The following EDAR variants were observed in gnomAD, a reference collection of about 807,000 sequenced individuals.
The protein encoded by EDAR is tumor necrosis factor receptor superfamily member EDAR.
EDAR carries 38 observed loss-of-function variants against 51.3 expected under a neutral mutation model. The ratio of observed to expected loss-of-function variants is 0.74; its 90% CI spans 0.57 to 0.97. EDAR has a LOEUF of 0.97. EDAR is among the 50% of genes least tolerant of loss of function. EDAR has a pLI of 0.00. For missense variants in EDAR, 528 were observed against 595.0 expected, an observed-to-expected ratio of 0.89 and a Z score of 1.17; for synonymous variants, 227 against 242.1, an observed-to-expected ratio of 0.94 and a Z score of 0.58.
intron 11 of EDAR, among the ~76,000 whole-genome samples, chr2:108,898,636 T>C (rs1256096469): frequency 2.6e-5 from 4 of 152,196 alleles, no homozygotes; most frequent in African/African-American, 7.2e-5. Flanking sequence ...AGATGTTAGA[T>C]AATCTGAAAA....
chr2:108,903,295 A>G (rs1696735659), intron 11 of EDAR, among the ~76,000 whole-genome samples: 1 of 152,230 alleles, frequency 6.6e-6, no homozygotes, highest in African/African-American at 2.4e-5. Flanking sequence ...GACTCGACAT[A>G]ATAAAGATGT....
intron 1 of EDAR, among the ~76,000 whole-genome samples, chr2:108,974,966 ATCAACCCC>A (rs1462577454): frequency 6.6e-6 from 1 of 152,160 alleles, no homozygotes; most frequent in Non-Finnish European, 1.5e-5. Flanking sequence ...GGAAGAGCCC[ATCAACCCC>A]TGAGCCTCTC....
chr2:108,916,274 G>A (rs1427931149), intron 5 of EDAR, among the ~76,000 whole-genome samples: 6 of 152,234 alleles, frequency 3.9e-5, no homozygotes, highest in Admixed American at 2.0e-4. Flanking sequence ...GGCTGTCTGT[G>A]AATGTTTGTC....
chr2:108,962,173 T>C (rs901209200), intron 1 of EDAR, among the ~76,000 whole-genome samples: 1 of 152,146 alleles, frequency 6.6e-6, no homozygotes, highest in Non-Finnish European at 1.5e-5. Context: ...TTCCTTAGGG[T>C]TCCCTGATGG....
chr2:108,956,015 C>T (rs1475032515), intron 1 of EDAR, among the ~76,000 whole-genome samples: 1 of 151,960 alleles, frequency 6.6e-6, no homozygotes, highest in African/African-American at 2.4e-5. Context: ...GGCAACAGGG[C>T]AAGACTCTGT....
intron 5 of EDAR, among the ~76,000 whole-genome samples, chr2:108,921,155 G>A (rs191610467): frequency 4.6e-5 from 7 of 152,222 alleles, no homozygotes; most frequent in African/African-American, 1.7e-4. Context: ...TCTCTTTAAG[G>A]ATAGGAGGTA....
chr2:108,979,610 G>A (rs1157351779), intron 1 of EDAR, among the ~76,000 whole-genome samples: 1 of 152,128 alleles, frequency 6.6e-6, no homozygotes, highest in African/African-American at 2.4e-5. Context: ...ATGCTGCTGA[G>A]GTGCAGGGCT....
chr2:108,905,661 C>T (rs1696787871), intron 11 of EDAR, among the ~76,000 whole-genome samples: 1 of 152,162 alleles, frequency 6.6e-6, no homozygotes, highest in Admixed American at 6.5e-5. Flanking sequence ...AGGAAAACCC[C>T]TGACCTCAGC....
At position 108,913,340 on chromosome 2, in the gene EDAR, A is replaced by C. The variant is rs1479557681; in HGVS notation, c.443-576T>G. Among the ~76,000 whole-genome samples the C allele has an allele frequency of 3.9e-5, 6 of 152,326 alleles. No homozygotes were observed. In the South Asian group the frequency reaches 8.3e-4, roughly 21 times the overall value. On this transcript the variant is annotated intron_variant, in intron 5 of 11. Transcript: ENST00000258443. The stretch of plus-strand genomic sequence containing the variant: ...GGAGTTTTGCAAGCCTCACCAACTC[A>C]ATTTTCCTATGCGTGGAGACAAAGT...
At chr2:108,931,155 C>T in intron 1 of EDAR, 123 bp from the exon 2 acceptor site, 1 of 798,718 alleles carries the variant, frequency 1.3e-6, no homozygotes, top group Non-Finnish European at 2.2e-6. Flanking sequence ...AACTATACAT[C>T]CTAAAAGAAA....
intron 4 of EDAR, among the ~76,000 whole-genome samples, chr2:108,925,190 T>TATTGGTCCCGCTCCTGGG (rs1451258891): frequency 1.3e-5 from 2 of 152,260 alleles, no homozygotes; most frequent in South Asian, 2.1e-4. Context: ...TGTTCACGTC[T>TATTGGTCCCGCTCCTGGG]CTATTCCTTG....
chr2:108,926,929 G>A (rs966548202), intron 4 of EDAR, among the ~76,000 whole-genome samples: 5 of 152,210 alleles, frequency 3.3e-5, no homozygotes, highest in Admixed American at 6.5e-5. Context: ...GTGACACAGC[G>A]TGACAGCCTC....
At chr2:108,974,350 A>G (rs1474293128) in intron 1 of EDAR, among the ~76,000 whole-genome samples, 5 of 151,144 alleles carry the variant, frequency 3.3e-5, no homozygotes, top group African/African-American at 7.3e-5. Flanking sequence ...AAAAAAAAAA[A>G]AAAAGAAATG....
At chr2:108,949,918 C>T (rs1349104646) in intron 1 of EDAR, among the ~76,000 whole-genome samples, 1 of 152,182 alleles carries the variant, frequency 6.6e-6, no homozygotes, top group Admixed American at 6.5e-5. Context: ...CTCATGGAGG[C>T]CAATGCCCTC....
At chr2:108,988,809 G>C (rs908570852) in intron 1 of EDAR, among the ~76,000 whole-genome samples, 151 bp downstream of exon 1, 10 of 152,198 alleles carry the variant, frequency 6.6e-5, no homozygotes, top group Non-Finnish European at 1.2e-4. Flanking sequence ...TGGTAGCGCA[G>C]ACATACTGCA....
intron 5 of EDAR, among the ~76,000 whole-genome samples, chr2:108,913,673 A>T (rs934539832): frequency 1.3e-5 from 2 of 152,266 alleles, no homozygotes; most frequent in South Asian, 2.1e-4. Context: ...TGCGATAGCT[A>T]TCTTTACGTA....
intron 9 of EDAR, among the ~76,000 whole-genome samples, chr2:108,908,986 T>G (rs1292123452): frequency 6.6e-6 from 1 of 151,856 alleles, no homozygotes; most frequent in Admixed American, 6.6e-5. Context: ...CGAGAGAAGG[T>G]GAGGTGGAGC....
chr2:108,908,961 A>C (rs2105396493), intron 9 of EDAR, among the ~76,000 whole-genome samples: 1 of 152,184 alleles, frequency 6.6e-6, no homozygotes, highest in Non-Finnish European at 1.5e-5. Flanking sequence ...GGTAGGACCC[A>C]TCCCTGTCCC....
chr2:108,929,224 G>A lies in EDAR; in HGVS notation c.330C>T (p.Asp110=), dbSNP rs372432087. 62 of 1,613,990 alleles carry A rather than the reference G, an allele frequency of 3.8e-5. No individual in the cohort carries two copies. The Middle Eastern group carries it at 6.6e-4, about 17-fold the overall frequency. Reference sequence around the variant, plus strand: ...CAGGGAGGCAAGGGCCACACTCAGCGTCATTCTCCATGTCCCCTGGTGTCA... The same window carrying A: ...CAGGGAGGCAAGGGCCACACTCAGCATCATTCTCCATGTCCCCTGGTGTCA... ...TVLTPGDMEN[D]AECGPCLPGY... Residue 110 remains aspartate (D), a synonymous_variant, in exon 4 of 12, where the codon GAC becomes GAT. Transcript: ENST00000258443.
Sources: gnomAD v4.1 joint callset for allele counts (sites outside exome capture counted in the v4.1 genomes callset) on GRCh38, gnomAD v4.1.1 for gene constraint, MANE v1.5 for transcripts, NCBI Gene and HGNC (gene_info 2026-07-23, HGNC 2026-07-21) for gene names.